Variants in RNF152 observed in about 807,000 individuals in gnomAD.
The protein encoded by RNF152 is ring finger protein 152.
Under a neutral mutation model 12.7 loss-of-function variants are expected in RNF152, and 11 were observed. The observed-to-expected ratio is 0.86, with a 90% CI of 0.54 to 1.43. The LOEUF is 1.43. Ranked by LOEUF, RNF152 falls within the 40% of genes most tolerant of loss-of-function variation. The pLI, the probability that RNF152 is intolerant of heterozygous loss-of-function variation, is 0.00. For synonymous variants in RNF152, 113 were observed against 120.3 expected (o/e 0.94, Z 0.40); for missense variants, 255 against 274.8 (o/e 0.93, Z 0.51).
At chr18:61,824,135 C>T (rs967159874) in intron 1 of RNF152, among the ~76,000 whole-genome samples, 1 of 152,216 alleles carries the variant, frequency 6.6e-6, no homozygotes, top group Non-Finnish European at 1.5e-5. Flanking sequence ...GTCAGTATTG[C>T]AGTGAGTGAT....
intron 1 of RNF152, among the ~76,000 whole-genome samples, chr18:61,863,433 CAAAAA>C (rs34663065): frequency 1.1e-5 from 1 of 90,952 alleles, no homozygotes; most frequent in Admixed American, 1.1e-4. Flanking sequence ...GACTCCGTCT[CAAAAA>C]AAAAAAAAAA....
chr18:61,893,970 G>A (rs1913096349), upstream of RNF152, among the ~76,000 whole-genome samples: 1 of 151,590 alleles, frequency 6.6e-6, no homozygotes, highest in Non-Finnish European at 1.5e-5. Flanking sequence ...GGACCCTGCG[G>A]CCCCGCCACC....
chr18:61,873,492 C>A lies in RNF152; in HGVS notation c.-136+19303G>T, dbSNP rs528374044. ...AGCTGGGATTACAGGCACGCCACCACGCCTGGCTAATTTTGTATTTCTAGT... is the reference window on the plus strand; with the variant it reads ...AGCTGGGATTACAGGCACGCCACCAAGCCTGGCTAATTTTGTATTTCTAGT... On this transcript the variant is annotated intron_variant, in intron 1 of 1. Coordinates refer to ENST00000312828, the MANE Select transcript of RNF152 (RefSeq NM_173557.3). Among the ~76,000 whole-genome samples, 8 of 152,268 alleles carry A rather than the reference C, an allele frequency of 5.3e-5. No individual in the cohort carries two copies. The South Asian group carries it at 1.2e-3, about 24-fold the overall frequency.
At chr18:61,825,176 C>T (rs990599090) in intron 1 of RNF152, among the ~76,000 whole-genome samples, 4 of 152,140 alleles carry the variant, frequency 2.6e-5, no homozygotes, top group African/African-American at 7.2e-5. Flanking sequence ...AAGGAACCGG[C>T]GTTGCCATGG....
chr18:61,852,034 C>T (rs886559969), intron 1 of RNF152, among the ~76,000 whole-genome samples: 3 of 152,138 alleles, frequency 2.0e-5, no homozygotes, highest in Admixed American at 2.0e-4. Flanking sequence ...CCAGGGTGCT[C>T]TCAGTGACAG....
chr18:61,826,277 G>T (rs990729768), intron 1 of RNF152, among the ~76,000 whole-genome samples: 3 of 152,128 alleles, frequency 2.0e-5, no homozygotes, highest in Admixed American at 6.6e-5. Flanking sequence ...TTTAGAGCAG[G>T]TCTATTTCCA....
Position 61,852,833 on chromosome 18 carries a change from C to T in RNF152, c.-135-36235G>A, listed in dbSNP as rs186402965. 2.0e-5 allele frequency among the ~76,000 whole-genome samples: 3 copies of T among 152,200 alleles called. No homozygotes were observed. The East Asian group carries it at 5.8e-4, about 29-fold the overall frequency. On this transcript the variant is annotated intron_variant, in intron 1 of 1. Coordinates refer to ENST00000312828, the MANE Select transcript of RNF152 (RefSeq NM_173557.3). The stretch of plus-strand genomic sequence containing the variant: ...CACCTGCCTGCTCCCCTAAAAAGTG[C>T]CTCACAGGTACTAATGGCCACGAAT...
chr18:61,859,699 C>T (rs1306383976), intron 1 of RNF152, among the ~76,000 whole-genome samples: 6 of 152,166 alleles, frequency 3.9e-5, no homozygotes, highest in Middle Eastern at 6.8e-3. Context: ...GCCAACATGG[C>T]GAAATCCCAT....
In RNF152 at chr18:61,879,922, G is replaced by A. The variant is rs369074452; in HGVS notation, c.-136+12873C>T. Among the ~76,000 whole-genome samples, 21 of 150,654 alleles carry A rather than the reference G, an allele frequency of 1.4e-4. No homozygotes were observed. The East Asian group carries it at 3.3e-3, about 24-fold the overall frequency. Reference sequence around the variant, plus strand: ...AGAGGTTGCAGTGAGCCGAGATCCCGCCATTGCACTCCAGCCAGGGCAACA... The same window carrying A: ...AGAGGTTGCAGTGAGCCGAGATCCCACCATTGCACTCCAGCCAGGGCAACA... On this transcript the variant is annotated intron_variant, in intron 1 of 1. Transcript: ENST00000312828.
intron 1 of RNF152, among the ~76,000 whole-genome samples, chr18:61,859,120 C>G (rs1838648268): frequency 6.6e-6 from 1 of 152,168 alleles, no homozygotes; most frequent in African/African-American, 2.4e-5. Context: ...CACCACCATT[C>G]AGATGCCACT....
At chr18:61,853,567 C>T (rs1295590212) in intron 1 of RNF152, among the ~76,000 whole-genome samples, 1 of 152,188 alleles carries the variant, frequency 6.6e-6, no homozygotes, top group Non-Finnish European at 1.5e-5. Context: ...GCCGGGATTA[C>T]AGGCTGAGCC....
chr18:61,844,100 A>AAGAAAGAAAGAAAGAAAGAAAG (rs1568275292), intron 1 of RNF152, among the ~76,000 whole-genome samples: 19 of 139,654 alleles, frequency 1.4e-4, no homozygotes, highest in East Asian at 2.0e-4. Flanking sequence ...GAAAGAAAGA[A>AAGAAAGAAAGAAAGAAAGAAAG]AGAAAGAAAG....
At chr18:61,829,827 C>T (rs1349194610) in intron 1 of RNF152, among the ~76,000 whole-genome samples, 1 of 152,084 alleles carries the variant, frequency 6.6e-6, no homozygotes, top group African/African-American at 2.4e-5. Flanking sequence ...GACCAGTCCC[C>T]TCCTATTCTG....
intron 1 of RNF152, among the ~76,000 whole-genome samples, chr18:61,817,070 C>G (rs906108382): frequency 1.3e-5 from 2 of 152,234 alleles, no homozygotes; most frequent in Non-Finnish European, 2.9e-5. Flanking sequence ...GGCAACTTCA[C>G]AAACCTAGGT....
At chr18:61,840,154 A>G (rs1420172101) in intron 1 of RNF152, among the ~76,000 whole-genome samples, 1 of 152,216 alleles carries the variant, frequency 6.6e-6, no homozygotes, top group Admixed American at 6.5e-5. Flanking sequence ...GTGAGAACAC[A>G]GCAAGAAAAT....
At chr18:61,834,839 C>T (rs1910109517) in intron 1 of RNF152, among the ~76,000 whole-genome samples, 1 of 152,172 alleles carries the variant, frequency 6.6e-6, no homozygotes, top group African/African-American at 2.4e-5. Flanking sequence ...GGTAACTAAA[C>T]TTAGATGTTA....
At chr18:61,831,630 A>C (rs559765196) in intron 1 of RNF152, among the ~76,000 whole-genome samples, 1 of 152,298 alleles carries the variant, frequency 6.6e-6, no homozygotes, top group East Asian at 1.9e-4. Context: ...AAAATAAGCA[A>C]TTTAGAACAC....
At chr18:61,865,131 C>A (rs975065498) in intron 1 of RNF152, among the ~76,000 whole-genome samples, 2 of 152,130 alleles carry the variant, frequency 1.3e-5, no homozygotes, top group African/African-American at 4.8e-5. Context: ...AGGATGAAAA[C>A]CAAATATATA....
chr18:61,848,643 A>G (rs2144689259), intron 1 of RNF152, among the ~76,000 whole-genome samples: 1 of 152,346 alleles, frequency 6.6e-6, no homozygotes, highest in South Asian at 2.1e-4. Context: ...CAAGGCCCCC[A>G]GAGACCAGCA....
Sources: gnomAD v4.1 joint callset for allele counts (sites outside exome capture counted in the v4.1 genomes callset) on GRCh38, gnomAD v4.1.1 for gene constraint, MANE v1.5 for transcripts, NCBI Gene and HGNC (gene_info 2026-07-23, HGNC 2026-07-21) for gene names.